VPS13A: variants seen among roughly 807,000 people sequenced by gnomAD.
VPS13A encodes the protein intermembrane lipid transfer protein VPS13A.
In VPS13A, 264 loss-of-function variants were observed where a neutral mutation model predicts 390.9. That is an observed-to-expected ratio of 0.68 (90% CI 0.61 to 0.75). VPS13A has a LOEUF of 0.75. Ranked by LOEUF, VPS13A falls within the 30% of genes least tolerant of loss-of-function variation. The pLI is 0.00. For missense variants in VPS13A, 3,409 were observed against 3,733.9 expected (o/e 0.91, Z 2.27); for synonymous variants, 1,231 against 1,227.1 (o/e 1.00, Z -0.07).
In VPS13A at chr9:77,368,071, C is replaced by T. The variant is rs753762961; in HGVS notation, c.8488C>T (p.Leu2830Phe). The T allele has an allele frequency of 1.9e-6, 3 of 1,612,160 alleles. No homozygotes were observed. Among genetic ancestry groups the T allele is most frequent in the Non-Finnish European group, 2.5e-6 (3 of 1,179,398 alleles). ...DVVFKLAFFE[L>F]NYQFHTTSDL... is the part of the protein sequence containing the mutation. ...TTTTTTCAGGCTTGCATTTTTTGAA[C>T]TCAACTATCAGTTCCATACAACATC... The change falls in exon 62 of 72, where the codon CTC (leucine) becomes TTC (phenylalanine). Residue 2830 changes from leucine to phenylalanine, a missense_variant. This residue lies in a region of VPS13A where 123 missense variants were observed against 118.7 expected (regional missense o/e 1.04). Transcript: ENST00000360280.
intron 67 of VPS13A, among the ~76,000 whole-genome samples, chr9:77,376,598 T>C (rs935759047): frequency 4.6e-5 from 7 of 152,208 alleles, no homozygotes; most frequent in African/African-American, 1.7e-4. Context: ...TGTGTAGTAC[T>C]GGAAGGGTGA....
intron 68 of VPS13A, among the ~76,000 whole-genome samples, chr9:77,402,269 A>G (rs1341623147): frequency 6.6e-6 from 1 of 152,172 alleles, no homozygotes; most frequent in East Asian, 1.9e-4. Flanking sequence ...CTTCTTTCTC[A>G]GATAAAAATG....
At chr9:77,178,029 G>T in intron 1 of VPS13A, 1 of 516,840 alleles carries the variant, frequency 1.9e-6, no homozygotes. Context: ...TCATGAGTGC[G>T]GGATGAAAAG....
At chr9:77,387,907 A>T (rs1381120235) in intron 68 of VPS13A, among the ~76,000 whole-genome samples, 1 of 152,180 alleles carries the variant, frequency 6.6e-6, no homozygotes, top group African/African-American at 2.4e-5. Flanking sequence ...TCTCAAGATT[A>T]TAAATGACTG....
intron 34 of VPS13A, among the ~76,000 whole-genome samples, chr9:77,304,046 G>A (rs1026375291): frequency 6.6e-5 from 10 of 152,200 alleles, no homozygotes; most frequent in South Asian, 4.2e-4. Context: ...CTCATCCCAC[G>A]AGGCCATATT....
chr9:77,313,036 T>G (rs180913012), intron 35 of VPS13A, among the ~76,000 whole-genome samples: 2 of 152,284 alleles, frequency 1.3e-5, no homozygotes, highest in East Asian at 1.9e-4. Context: ...AACTCAAATG[T>G]TCATCAATAG....
At position 77,195,715 on chromosome 9, in the gene VPS13A, C is replaced by T. The variant is rs144092505; in HGVS notation, c.101-4230C>T. Among the ~76,000 whole-genome samples, 883 of 151,872 alleles carry T rather than the reference C, an allele frequency of 5.8e-3. 12 individuals carry two copies. Among genetic ancestry groups the T allele is most frequent in the African/African-American group, 0.021 (850 of 41,428 alleles). ...TCGTGCCACTGCGCTCCAGCCTGGG[C>T]GACACAGCGAGACTCCGTCTCAAAA... On this transcript the variant is annotated intron_variant, in intron 1 of 71. Transcript: ENST00000360280.
chr9:77,415,872 A>G lies in VPS13A; in HGVS notation c.9475-84A>G, dbSNP rs942713129. On this transcript the variant is annotated intron_variant, in intron 71 of 71. Transcript: ENST00000360280. The stretch of plus-strand genomic sequence containing the variant: ...TTACACCTAACTAAACTATAAAGCT[A>G]ACTTCTAGATCTCCATTCATTACAT... 3.3e-6 allele frequency: 5 copies of G among 1,525,462 alleles called. No individual in the cohort carries two copies. The African/African-American group carries it at 5.5e-5, about 17-fold the overall frequency. 94.5% of individuals were successfully genotyped at this position (1,525,462 alleles called of 1,614,324 possible).
rs528444396 is a variant in VPS13A, at chr9:77,337,693, AATT to A, written c.6378+163_6378+165del. 181 of 705,530 alleles carry A rather than the reference AATT, an allele frequency of 2.6e-4. No individual in the cohort carries two copies. The African/African-American group carries it at 2.8e-3, about 11-fold the overall frequency. 43.7% of individuals were successfully genotyped at this position (705,530 alleles called of 1,614,324 possible). On this transcript the variant is annotated intron_variant, in intron 47 of 71. Transcript: ENST00000360280. ...GATATTCTTTTGCAACAAGTATGAG[AATT>A]ATTATTGAAATAACATTTAAGAACT... is the stretch of plus-strand genomic sequence containing the variant.
intron 71 of VPS13A, among the ~76,000 whole-genome samples, chr9:77,415,281 C>T (rs1835127728): frequency 6.6e-6 from 1 of 152,130 alleles, no homozygotes; most frequent in Non-Finnish European, 1.5e-5. Flanking sequence ...CAGGAACATC[C>T]AGAGAAGGCT....
At position 77,351,400 on chromosome 9, in the gene VPS13A, T is replaced by C; in HGVS notation, c.7373T>C (p.Leu2458Pro). 6.2e-7 allele frequency: 1 copy of C among 1,613,972 alleles called. No homozygotes were observed. Among genetic ancestry groups the C allele is most frequent in the Non-Finnish European group, 8.5e-7 (1 of 1,179,894 alleles). The change falls in exon 53 of 72, where the codon CTG becomes CCG. Residue 2458 changes from leucine to proline, a missense_variant. This residue lies in a region of VPS13A where 2,717 missense variants were observed against 2,917.4 expected (regional missense o/e 0.93). Coordinates refer to ENST00000360280, the MANE Select transcript of VPS13A (RefSeq NM_033305.3). The stretch of plus-strand genomic sequence containing the variant: ...GCTGATCCGGTGGGCTCTAGAAGGC[T>C]GAAGTGGAGATGTAGAAAAAGCCAT... ...TWADPVGSRR[L>P]KWRCRKSHGE...
rs1466037872 is a variant in VPS13A, at chr9:77,238,298, C to T, written c.1812C>T (p.Phe604=). The change falls in exon 19 of 72, where the codon TTC becomes TTT. Residue 604 remains phenylalanine, a synonymous_variant. Transcript: ENST00000360280. ...DARTVNSIVE[F]FRPPKEVHLA... is the part of the protein sequence containing the mutation. ...GGACAGTGAATAGTATAGTGGAATT[C>T]TTCAGACCTCCAAAAGAGGTACATC... 2 of 1,613,782 alleles carry T rather than the reference C, an allele frequency of 1.2e-6. No individual in the cohort carries two copies. Among genetic ancestry groups the T allele is most frequent in the Non-Finnish European group, 1.7e-6 (2 of 1,179,928 alleles).
intron 20 of VPS13A, among the ~76,000 whole-genome samples, chr9:77,249,213 G>C (rs762193672): frequency 6.6e-6 from 1 of 152,168 alleles, no homozygotes; most frequent in Non-Finnish European, 1.5e-5. Context: ...CCTTGATACT[G>C]ACATCTTCCC....
chr9:77,224,855 G>C (rs1432436820), intron 13 of VPS13A, among the ~76,000 whole-genome samples: 9 of 152,138 alleles, frequency 5.9e-5, no homozygotes, highest in Non-Finnish European at 1.0e-4. Context: ...GTTGTGAAAA[G>C]AAGAGTCAAT....
intron 31 of VPS13A, among the ~76,000 whole-genome samples, chr9:77,286,694 T>G (rs1326135860): frequency 1.3e-5 from 2 of 152,190 alleles, no homozygotes; most frequent in East Asian, 1.9e-4. Context: ...TGTAGGGACT[T>G]TGGACAGGTA....
intron 45 of VPS13A, among the ~76,000 whole-genome samples, chr9:77,324,916 A>G (rs1219898074): frequency 1.3e-5 from 2 of 151,632 alleles, no homozygotes; most frequent in Non-Finnish European, 2.9e-5. Flanking sequence ...TTTTGACACC[A>G]GGGACCTGTT....
At chr9:77,367,757 A>G (rs1429870136) in intron 61 of VPS13A, among the ~76,000 whole-genome samples, 4 of 152,204 alleles carry the variant, frequency 2.6e-5, no homozygotes, top group African/African-American at 9.7e-5. Flanking sequence ...ATAAAGTTCT[A>G]GTGGTACATG....
At chr9:77,295,962 A>C (rs879050109) in intron 33 of VPS13A, 116 bp downstream of exon 33, 1 of 1,060,658 alleles carries the variant, frequency 9.4e-7, no homozygotes, top group Non-Finnish European at 1.3e-6. Context: ...ATTATACATA[A>C]CTTAGTGATT....
intron 33 of VPS13A, among the ~76,000 whole-genome samples, chr9:77,302,682 G>A (rs1378455540): frequency 6.6e-6 from 1 of 151,762 alleles, no homozygotes; most frequent in Non-Finnish European, 1.5e-5. Context: ...CTCTATTTCT[G>A]TATAATATAG....
Sources: allele counts gnomAD v4.1 joint callset (sites outside exome capture counted in the v4.1 genomes callset), GRCh38; gene constraint gnomAD v4.1.1; regional missense constraint gnomAD v4.1.1; transcripts MANE v1.5; gene names NCBI Gene and HGNC (gene_info 2026-07-23, HGNC 2026-07-21).